ABCB5: variants seen among roughly 807,000 people sequenced by gnomAD.
The protein encoded by ABCB5 is ATP binding cassette subfamily B member 5.
In ABCB5, 155 loss-of-function variants were observed where a neutral mutation model predicts 144.2. The observed-to-expected ratio is 1.08, with a 90% confidence interval of 0.94 to 1.23. The LOEUF (loss-of-function observed/expected upper bound fraction) is 1.23. ABCB5 is among the 50% of genes most tolerant of loss of function. The probability of loss-of-function intolerance (pLI) is 0.00; values close to 1 mark genes in which losing one functional copy is unlikely to be tolerated. For synonymous variants in ABCB5, 610 were observed against 528.6 expected (o/e 1.15, Z -2.11); for missense variants, 1,830 against 1,520.8 (o/e 1.20, Z -3.38).
intron 23 of ABCB5, among the ~76,000 whole-genome samples, chr7:20,730,110 A>G (rs11972818): frequency 0.081 from 12,317 of 152,284 alleles, 1,339 homozygotes; most frequent in African/African-American, 0.25. Context: ...GAGTTCACCA[A>G]CCCAGTATTC....
chr7:20,667,255 G>C (rs1785230719), intron 14 of ABCB5: 10 of 981,886 alleles, frequency 1.0e-5, no homozygotes, highest in Non-Finnish European at 1.2e-5. Context: ...CAGGAGCCTG[G>C]CAAAGTAAAG....
At chr7:20,738,738 C>T (rs1782466857) in intron 23 of ABCB5, among the ~76,000 whole-genome samples, 1 of 152,130 alleles carries the variant, frequency 6.6e-6, no homozygotes, top group African/African-American at 2.4e-5. Flanking sequence ...ATCTGTGGCT[C>T]TAATTGGAAG....
At chr7:20,631,856 C>T (rs528042616) in intron 4 of ABCB5, among the ~76,000 whole-genome samples, 1 of 152,218 alleles carries the variant, frequency 6.6e-6, no homozygotes, top group East Asian at 1.9e-4. Context: ...TTTTTCCAAG[C>T]CGCATGAGTA....
intron 22 of ABCB5, 23 bp from the exon 23 acceptor site, chr7:20,728,292 T>C: frequency 6.2e-7 from 1 of 1,610,978 alleles, no homozygotes. Flanking sequence ...GCCTCATTAT[T>C]TGGTAAATTT....
chr7:20,684,878 C>T (rs779549434), intron 15 of ABCB5, among the ~76,000 whole-genome samples: 9 of 152,214 alleles, frequency 5.9e-5, no homozygotes, highest in African/African-American at 1.4e-4. Flanking sequence ...CTCTTCCCCA[C>T]GTTGGCCAGA....
At chr7:20,688,631 A>AGG in intron 16 of ABCB5, among the ~76,000 whole-genome samples, 1 of 152,230 alleles carries the variant, frequency 6.6e-6, no homozygotes, top group Non-Finnish European at 1.5e-5. Flanking sequence ...ATATACCCCA[A>AGG]GGATTATAAA....
At position 20,755,866 on chromosome 7, in the gene ABCB5, A is replaced by G. The variant is rs1783073819; in HGVS notation, c.*242A>G. The G allele has an allele frequency of 2.3e-6, 1 of 438,916 alleles. No individual in the cohort carries two copies. Among genetic ancestry groups the G allele is most frequent in the Non-Finnish European group, 4.1e-6 (1 of 245,310 alleles). 27.2% of individuals were successfully genotyped at this position (438,916 alleles called of 1,614,324 possible). A position where few individuals can be genotyped will look rare whatever the true frequency, so the allele number is the denominator to read the frequency against. On this transcript the variant is annotated 3_prime_UTR_variant, in exon 28 of 28. Transcript: ENST00000404938. Reference sequence around the variant, plus strand: ...ATCCTTCACTTTATAAAACTATTCTAGCACATTTGCTTGTAAAGCAGTTTT... The same window carrying G: ...ATCCTTCACTTTATAAAACTATTCTGGCACATTTGCTTGTAAAGCAGTTTT...
intron 23 of ABCB5, among the ~76,000 whole-genome samples, chr7:20,729,291 C>T (rs538263927): frequency 3.3e-5 from 5 of 152,122 alleles, no homozygotes; most frequent in Non-Finnish European, 5.9e-5. Flanking sequence ...CAAAATATGC[C>T]TTCTTGTCAT....
At chr7:20,697,358 G>C (rs1020374981) in intron 16 of ABCB5, among the ~76,000 whole-genome samples, 34 of 152,076 alleles carry the variant, frequency 2.2e-4, no homozygotes, top group Admixed American at 9.2e-4. Context: ...CTGGTTATTA[G>C]GTCCATAAAT....
intron 1 of ABCB5, among the ~76,000 whole-genome samples, 168 bp downstream of exon 1, chr7:20,616,005 G>A (rs144915888): frequency 4.6e-5 from 7 of 152,160 alleles, no homozygotes; most frequent in African/African-American, 1.7e-4. Context: ...TATTATTTTG[G>A]TCATTTTAAA....
intron 23 of ABCB5, among the ~76,000 whole-genome samples, chr7:20,730,359 A>C (rs1782167863): frequency 6.6e-6 from 1 of 152,196 alleles, no homozygotes; most frequent in African/African-American, 2.4e-5. Context: ...AAATACAAAA[A>C]TTAGCCATGT....
At chr7:20,737,087 G>A (rs1204805922) in intron 23 of ABCB5, among the ~76,000 whole-genome samples, 1 of 151,852 alleles carries the variant, frequency 6.6e-6, no homozygotes, top group Non-Finnish European at 1.5e-5. Context: ...GAACCCAGGA[G>A]ATGGAGGTTG....
intron 20 of ABCB5, among the ~76,000 whole-genome samples, chr7:20,713,999 A>G (rs1583444726): frequency 6.6e-6 from 1 of 151,770 alleles, no homozygotes; most frequent in Non-Finnish European, 1.5e-5. Context: ...CCACCTGGAA[A>G]CTCTTAAGGT....
chr7:20,731,355 G>GGAAAAAAAAAAAA (rs1197620641), intron 23 of ABCB5, among the ~76,000 whole-genome samples: 1 of 127,874 alleles, frequency 7.8e-6, no homozygotes, highest in African/African-American at 3.0e-5. Flanking sequence ...TCCAACTCAG[G>GGAAAAAAAAAAAA]AAAAAAAAAA....
At chr7:20,726,821 C>G (rs1164291143) in intron 21 of ABCB5, among the ~76,000 whole-genome samples, 1 of 152,134 alleles carries the variant, frequency 6.6e-6, no homozygotes, top group Non-Finnish European at 1.5e-5. Context: ...GATCAGTAGA[C>G]TAAATCTCAA....
chr7:20,620,704 C>G (rs1014002997), intron 1 of ABCB5, among the ~76,000 whole-genome samples: 1 of 151,984 alleles, frequency 6.6e-6, no homozygotes, highest in African/African-American at 2.4e-5. Context: ...CCACATCACA[C>G]CCACTAGGAT....
intron 20 of ABCB5, among the ~76,000 whole-genome samples, chr7:20,710,240 A>G (rs1434055545): frequency 6.9e-6 from 1 of 145,096 alleles, no homozygotes; most frequent in Non-Finnish European, 1.5e-5. Flanking sequence ...GGTGGGGGGC[A>G]TCTATAATCC....
intron 20 of ABCB5, among the ~76,000 whole-genome samples, chr7:20,718,905 T>C (rs925564257): frequency 2.6e-5 from 4 of 152,078 alleles, no homozygotes; most frequent in African/African-American, 4.8e-5. Context: ...CATTTGAGTG[T>C]AAGTAGGTGT....
chr7:20,675,900 C>G (rs941094749), intron 14 of ABCB5, among the ~76,000 whole-genome samples: 3 of 151,878 alleles, frequency 2.0e-5, no homozygotes, highest in Admixed American at 1.3e-4. Context: ...ATACAAATGG[C>G]CAACAAGTAC....
Sources: gnomAD v4.1 joint callset for allele counts (sites outside exome capture counted in the v4.1 genomes callset) on GRCh38, gnomAD v4.1.1 for gene constraint, MANE v1.5 for transcripts, NCBI Gene and HGNC (gene_info 2026-07-23, HGNC 2026-07-21) for gene names.